The following LINC00305 variants were observed in gnomAD, a reference collection of about 807,000 sequenced individuals.
LINC00305 encodes long intergenic non-protein coding RNA 305.
intron 3 of LINC00305, among the ~76,000 whole-genome samples, chr18:64,094,603 C>T (rs2051237525): frequency 6.6e-6 from 1 of 152,160 alleles, no homozygotes; most frequent in South Asian, 2.1e-4. Flanking sequence ...AAGCTCACAC[C>T]TGTAATCCCA....
intron 1 of LINC00305, among the ~76,000 whole-genome samples, chr18:64,108,440 A>G (rs570317088): frequency 6.6e-6 from 1 of 152,304 alleles, no homozygotes; most frequent in Admixed American, 6.5e-5. Context: ...ATGAAAACTC[A>G]GGTCAGAGAA....
At chr18:64,110,533 A>G (rs970585344) in intron 1 of LINC00305, among the ~76,000 whole-genome samples, 3 of 152,226 alleles carry the variant, frequency 2.0e-5, no homozygotes, top group Non-Finnish European at 4.4e-5. Flanking sequence ...CTTTGGGGGT[A>G]TAAATGGGAC....
intron 3 of LINC00305, among the ~76,000 whole-genome samples, chr18:64,083,935 G>A (rs1443479472): frequency 1.3e-5 from 2 of 152,168 alleles, no homozygotes; most frequent in South Asian, 2.1e-4. Context: ...TTGTTCCCCA[G>A]GGAGAGTTCC....
At chr18:64,080,952 C>G (rs2051182706) in intron 3 of LINC00305, among the ~76,000 whole-genome samples, 1 of 152,152 alleles carries the variant, frequency 6.6e-6, no homozygotes, top group Admixed American at 6.5e-5. Flanking sequence ...ACAACAGTAT[C>G]TAGTCCAATT....
At chr18:64,098,587 GCA>G (rs1276910223) in exon 2 of LINC00305, 29 of 448,536 alleles carry the variant, frequency 6.5e-5, no homozygotes, top group Non-Finnish European at 7.1e-5. Context: ...CATGTATAAT[GCA>G]CAGTCTATGA....
chr18:64,136,801 G>T (rs999211140), intron 1 of LINC00305, among the ~76,000 whole-genome samples: 3 of 152,300 alleles, frequency 2.0e-5, no homozygotes, highest in Admixed American at 6.5e-5. Flanking sequence ...AGGCCCTGTT[G>T]TGCCTTAGGA....
At chr18:64,140,882 A>C (rs2051459083) in intron 1 of LINC00305, among the ~76,000 whole-genome samples, 1 of 151,958 alleles carries the variant, frequency 6.6e-6, no homozygotes, top group Admixed American at 6.6e-5. Flanking sequence ...CAGGGAAGAA[A>C]GACACGGAGA....
intron 1 of LINC00305, among the ~76,000 whole-genome samples, chr18:64,112,335 CA>C (rs35340500): frequency 0.3 from 32,425 of 109,100 alleles, 3,443 homozygotes; most frequent in Admixed American, 0.34. Context: ...GCACATTGCT[CA>C]AAAAAAAAAA....
chr18:64,082,799 T>G (rs2051190040), intron 3 of LINC00305, among the ~76,000 whole-genome samples: 1 of 152,194 alleles, frequency 6.6e-6, no homozygotes, highest in Non-Finnish European at 1.5e-5. Context: ...TTATTTTACT[T>G]TATTTTCTGT....
At chr18:64,113,586 G>A (rs999451822) in intron 1 of LINC00305, among the ~76,000 whole-genome samples, 4 of 152,170 alleles carry the variant, frequency 2.6e-5, no homozygotes, top group African/African-American at 7.2e-5. Flanking sequence ...GCCCATGAGA[G>A]TGAGGAGACA....
At chr18:64,096,732 A>G (rs1000545426) in intron 3 of LINC00305, among the ~76,000 whole-genome samples, 2 of 151,982 alleles carry the variant, frequency 1.3e-5, no homozygotes, top group African/African-American at 4.8e-5. Context: ...GGATTTGACT[A>G]TATGACATAT....
chr18:64,108,874 G>C (rs1018044842), intron 1 of LINC00305, among the ~76,000 whole-genome samples: 1 of 152,212 alleles, frequency 6.6e-6, no homozygotes, highest in Non-Finnish European at 1.5e-5. Flanking sequence ...ATACAATGGA[G>C]GATGGAACCT....
chr18:64,128,771 C>T (rs2051396706), intron 1 of LINC00305, among the ~76,000 whole-genome samples: 1 of 152,120 alleles, frequency 6.6e-6, no homozygotes, highest in African/African-American at 2.4e-5. Flanking sequence ...TAACTCCCTT[C>T]CGGTCAAAGA....
At chr18:64,121,409 T>C (rs552363238) in intron 1 of LINC00305, among the ~76,000 whole-genome samples, 2 of 152,238 alleles carry the variant, frequency 1.3e-5, no homozygotes, top group South Asian at 4.1e-4. Flanking sequence ...GTGTACTCAC[T>C]ATTTAGCTCC....
intron 1 of LINC00305, among the ~76,000 whole-genome samples, chr18:64,146,244 C>T (rs2051497457): frequency 6.6e-6 from 1 of 152,090 alleles, no homozygotes; most frequent in Admixed American, 6.5e-5. Context: ...CACCATAGCA[C>T]AGATTGTTTA....
chr18:64,111,754 C>T (rs867175171), intron 1 of LINC00305, among the ~76,000 whole-genome samples: 4 of 152,120 alleles, frequency 2.6e-5, no homozygotes, highest in African/African-American at 4.8e-5. Flanking sequence ...TGAGTCAAGT[C>T]GTCCAAGCTC....
intron 1 of LINC00305, among the ~76,000 whole-genome samples, chr18:64,100,425 T>C (rs1258468005): frequency 6.6e-6 from 1 of 152,198 alleles, no homozygotes; most frequent in Non-Finnish European, 1.5e-5. Context: ...GTCCCGGTGC[T>C]GGGCCTTTCT....
At chr18:64,122,887 C>G (rs957281021) in intron 1 of LINC00305, among the ~76,000 whole-genome samples, 1 of 151,852 alleles carries the variant, frequency 6.6e-6, no homozygotes, top group Non-Finnish European at 1.5e-5. Context: ...TTCTATTTTT[C>G]CTTGTAGAAA....
At chr18:64,121,389 C>G (rs1473770831) in intron 1 of LINC00305, among the ~76,000 whole-genome samples, 1 of 152,008 alleles carries the variant, frequency 6.6e-6, no homozygotes, top group Non-Finnish European at 1.5e-5. Flanking sequence ...ATTTGACACT[C>G]TACACCTTTG....
Sources: allele counts gnomAD v4.1 joint callset (sites outside exome capture counted in the v4.1 genomes callset), GRCh38; gene constraint gnomAD v4.1.1; transcripts MANE v1.5; gene names NCBI Gene and HGNC (gene_info 2026-07-23, HGNC 2026-07-21).